PRKG1: variants seen among roughly 807,000 people sequenced by gnomAD.
PRKG1 encodes cGMP-dependent protein kinase 1.
Under a neutral mutation model 88.1 loss-of-function variants are expected in PRKG1, and 35 were observed. The observed-to-expected ratio is 0.40, with a 90% CI of 0.30 to 0.53. PRKG1 has a LOEUF of 0.53. Among genes scored for constraint, PRKG1 ranks in the 20% least tolerant of loss-of-function variants. The probability of loss-of-function intolerance (pLI) is 0.59; values close to 1 mark genes in which losing one functional copy is unlikely to be tolerated. For missense variants in PRKG1, 540 were observed against 839.8 expected, an observed-to-expected ratio of 0.64 and a Z score of 4.41; for synonymous variants, 303 against 292.5, an observed-to-expected ratio of 1.04 and a Z score of -0.37.
At chr10:51,846,805 T>A (rs535177840) in intron 4 of PRKG1, among the ~76,000 whole-genome samples, 40 of 152,236 alleles carry the variant, frequency 2.6e-4, no homozygotes, top group Admixed American at 2.4e-3. Context: ...TTCAGCAGGT[T>A]AATTGGACAA....
At chr10:51,016,513 G>T (rs79991453) in intron 1 of PRKG1, among the ~76,000 whole-genome samples, 3,894 of 151,618 alleles carry the variant, frequency 0.026, 64 homozygotes, top group East Asian at 0.042. Context: ...TCTGAATATT[G>T]TTTATTTCCT....
chr10:51,816,321 A>G (rs1839584145), intron 4 of PRKG1, among the ~76,000 whole-genome samples: 1 of 152,136 alleles, frequency 6.6e-6, no homozygotes. Flanking sequence ...AAAAATCCTC[A>G]TTCTGTTAAT....
intron 3 of PRKG1, among the ~76,000 whole-genome samples, chr10:51,670,930 A>AT (rs528244792): frequency 3.3e-5 from 5 of 151,234 alleles, no homozygotes; most frequent in South Asian, 2.1e-4. Context: ...ATTTTGCTCT[A>AT]TTTTTTTTAC....
chr10:51,997,917 T>G (rs1227377241), intron 5 of PRKG1, among the ~76,000 whole-genome samples: 1 of 152,082 alleles, frequency 6.6e-6, no homozygotes, highest in Non-Finnish European at 1.5e-5. Flanking sequence ...TGACCATAAC[T>G]TCCAATAAAA....
rs1006542995 is a variant in PRKG1 at position 51,241,749 on chromosome 10, C to T, written c.478+88419C>T. 2.0e-5 allele frequency among the ~76,000 whole-genome samples: 3 copies of T among 152,156 alleles called. No homozygotes were observed. In the East Asian group the frequency reaches 5.8e-4, roughly 29 times the overall value. ...AGAGCCCATCTGACAACCTGTAGAA[C>T]TTCAGAGGCAGAGAAAAGAATTATT... On this transcript the variant is annotated intron_variant, in intron 2 of 17. Coordinates refer to ENST00000373980, the MANE Select transcript of PRKG1 (RefSeq NM_006258.4).
chr10:52,026,320 G>A lies in PRKG1; in HGVS notation c.763-28164G>A, dbSNP rs80018388. ...ACTAAACAAAACAAAATAGTGAGAGGCATGGAAGTAATTAACTAAATTACA... is the reference window on the plus strand; with the variant it reads ...ACTAAACAAAACAAAATAGTGAGAGACATGGAAGTAATTAACTAAATTACA... On this transcript the variant is annotated intron_variant, in intron 5 of 17. Coordinates refer to ENST00000373980, the MANE Select transcript of PRKG1 (RefSeq NM_006258.4). Among the ~76,000 whole-genome samples the A allele has an allele frequency of 2.3e-3, 356 of 152,168 alleles. 1 individual carries two copies. Among genetic ancestry groups the A allele is most frequent in the African/African-American group, 6.7e-3 (279 of 41,510 alleles).
At chr10:51,204,054 T>A (rs1837980468) in intron 2 of PRKG1, among the ~76,000 whole-genome samples, 1 of 152,206 alleles carries the variant, frequency 6.6e-6, no homozygotes, top group Admixed American at 6.5e-5. Flanking sequence ...AACTATTTTC[T>A]TCTTCTCCAT....
chr10:52,192,476 A>T (rs1839391590), intron 9 of PRKG1, among the ~76,000 whole-genome samples: 1 of 152,130 alleles, frequency 6.6e-6, no homozygotes, highest in Non-Finnish European at 1.5e-5. Context: ...CAGTATTCCC[A>T]TTTTATTCTA....
intron 2 of PRKG1, among the ~76,000 whole-genome samples, chr10:51,436,339 C>A (rs1838930068): frequency 2.6e-5 from 4 of 151,952 alleles, no homozygotes; most frequent in Non-Finnish European, 5.9e-5. Context: ...TTTTAGCAGA[C>A]ATAGACGTCT....
At chr10:51,425,688 C>T (rs1458105932) in intron 2 of PRKG1, among the ~76,000 whole-genome samples, 2 of 152,064 alleles carry the variant, frequency 1.3e-5, no homozygotes, top group African/African-American at 4.8e-5. Context: ...TCAGCTTCTG[C>T]CAAGCCCAGC....
intron 1 of PRKG1, among the ~76,000 whole-genome samples, chr10:51,017,742 A>C (rs1471383325): frequency 3.9e-5 from 6 of 152,040 alleles, no homozygotes; most frequent in African/African-American, 1.4e-4. Context: ...ATCTTCAGGT[A>C]AAACAAAAGA....
chr10:51,165,848 A>G (rs1846524191), intron 2 of PRKG1, among the ~76,000 whole-genome samples: 1 of 152,236 alleles, frequency 6.6e-6, no homozygotes, highest in South Asian at 2.1e-4. Context: ...TTTAAAATTG[A>G]GCAGGCTTCT....
At chr10:52,228,822 T>A (rs901247019) in intron 9 of PRKG1, among the ~76,000 whole-genome samples, 10 of 152,300 alleles carry the variant, frequency 6.6e-5, no homozygotes, top group South Asian at 4.1e-4. Flanking sequence ...CAGGTCTGCA[T>A]CACTGGGCAG....
At chr10:51,085,503 A>G (rs1489489812) in intron 1 of PRKG1, among the ~76,000 whole-genome samples, 3 of 152,106 alleles carry the variant, frequency 2.0e-5, no homozygotes, top group Non-Finnish European at 2.9e-5. Context: ...CATGTGAATC[A>G]TAGTCTTCAT....
At chr10:51,596,944 T>C (rs1564566511) in intron 3 of PRKG1, among the ~76,000 whole-genome samples, 1 of 152,138 alleles carries the variant, frequency 6.6e-6, no homozygotes, top group Non-Finnish European at 1.5e-5. Context: ...GTATAATGTA[T>C]GAAAAAAAGT....
In PRKG1 at chr10:51,693,287, CAA is replaced by C. The variant is rs762828746; in HGVS notation, c.593-111280_593-111279del. On this transcript the variant is annotated intron_variant, in intron 3 of 17. Coordinates refer to ENST00000373980, the MANE Select transcript of PRKG1 (RefSeq NM_006258.4). Reference sequence around the variant, plus strand: ...TGGGCAGCAAAGTGAGACACCACCTCAAAAAAAAAAAAAAAAAAAGCTGTTAT... The same window carrying C: ...TGGGCAGCAAAGTGAGACACCACCTCAAAAAAAAAAAAAAAAAGCTGTTAT... Among the ~76,000 whole-genome samples the C allele has an allele frequency of 3.0e-3, 210 of 70,572 alleles. 1 individual carries two copies. The highest frequency in any genetic ancestry group is 8.0e-3 in the African/African-American group (187 of 23,434). The allele number at this position is 70,572 out of a possible 152,430, so 46.3% of individuals were successfully genotyped here.
chr10:51,042,195 G>A (rs776882006), intron 1 of PRKG1, among the ~76,000 whole-genome samples: 7 of 152,076 alleles, frequency 4.6e-5, no homozygotes, highest in Non-Finnish European at 8.8e-5. Context: ...AAATAATGGT[G>A]AGTAGTAAAG....
chr10:52,253,656 C>A (rs1374639995), intron 10 of PRKG1, among the ~76,000 whole-genome samples: 1 of 151,472 alleles, frequency 6.6e-6, no homozygotes, highest in Non-Finnish European at 1.5e-5. Context: ...TAATCTCCAT[C>A]CCCAGAGAAA....
intron 6 of PRKG1, among the ~76,000 whole-genome samples, chr10:52,061,287 A>G (rs1195274922): frequency 6.6e-6 from 1 of 152,096 alleles, no homozygotes; most frequent in Non-Finnish European, 1.5e-5. Flanking sequence ...GACCTTCTTA[A>G]TACTTATAAA....
Sources: gnomAD v4.1 joint callset for allele counts (sites outside exome capture counted in the v4.1 genomes callset) on GRCh38, gnomAD v4.1.1 for gene constraint, MANE v1.5 for transcripts, NCBI Gene and HGNC (gene_info 2026-07-23, HGNC 2026-07-21) for gene names.